The following ZNF638 variants were observed in gnomAD, a reference collection of about 807,000 sequenced individuals.
ZNF638 encodes zinc finger protein 638, also known as CTCL tumor antigen se33-1.
ZNF638 carries 46 observed loss-of-function variants against 195.6 expected under a neutral mutation model. That is an observed-to-expected ratio of 0.24 (90% CI 0.19 to 0.30). The LOEUF (loss-of-function observed/expected upper bound fraction) is 0.30, where lower values mean the gene tolerates loss of function less well. Ranked by LOEUF, ZNF638 falls within the 10% of genes least tolerant of loss-of-function variation. ZNF638 has a pLI of 1.00. For missense variants in ZNF638, 2,440 were observed against 2,325.3 expected (o/e 1.05, Z -1.01); for synonymous variants, 845 against 772.0 (o/e 1.09, Z -1.57).
intron 23 of ZNF638, among the ~76,000 whole-genome samples, chr2:71,425,617 A>G (rs2080523594): frequency 6.6e-6 from 1 of 152,132 alleles, no homozygotes. Flanking sequence ...ATTGAGTCTT[A>G]GTAATAATTT....
intron 15 of ZNF638, among the ~76,000 whole-genome samples, chr2:71,401,302 T>A (rs147615677): frequency 1.3e-5 from 2 of 151,656 alleles, no homozygotes; most frequent in African/African-American, 4.8e-5. Context: ...ATGAGAGAGT[T>A]ACCTTGAAGA....
intron 10 of ZNF638, among the ~76,000 whole-genome samples, chr2:71,383,744 C>CTTTTTT (rs911748490): frequency 2.2e-5 from 2 of 92,514 alleles, no homozygotes; most frequent in African/African-American, 4.5e-5. Flanking sequence ...GCTAATTTTT[C>CTTTTTT]TTTTTTTTTT....
At chr2:71,417,036 C>T (rs566455565) in intron 20 of ZNF638, among the ~76,000 whole-genome samples, 15 of 135,176 alleles carry the variant, frequency 1.1e-4, no homozygotes, top group African/African-American at 4.2e-4. Context: ...CTTTGTTTAC[C>T]TAAGCAAGCC....
At chr2:71,354,143 C>A (rs904272288) in intron 2 of ZNF638, among the ~76,000 whole-genome samples, 2 of 152,170 alleles carry the variant, frequency 1.3e-5, no homozygotes, top group Non-Finnish European at 2.9e-5. Context: ...GTGGAAACTT[C>A]TAATGACCTA....
chr2:71,379,539 A>G (rs756813552), intron 8 of ZNF638: 6 of 152,142 alleles, frequency 3.9e-5, no homozygotes, highest in Non-Finnish European at 7.4e-5. Flanking sequence ...TAATGGCCCT[A>G]AAGTGCAAGT....
intron 3 of ZNF638, among the ~76,000 whole-genome samples, chr2:71,358,813 A>G (rs1334945766): frequency 6.6e-6 from 1 of 152,106 alleles, no homozygotes; most frequent in African/African-American, 2.4e-5. Flanking sequence ...TTCTAACAGC[A>G]TGTGCTCACT....
chr2:71,332,021 G>A, intron 1 of ZNF638, 146 bp downstream of exon 1: 1 of 763,118 alleles, frequency 1.3e-6, no homozygotes, highest in Non-Finnish European at 1.6e-6. Flanking sequence ...GCAGACGGCG[G>A]GGGCGGGAGG....
At chr2:71,367,524 C>T (rs6736123) in intron 6 of ZNF638, among the ~76,000 whole-genome samples, 32 of 151,606 alleles carry the variant, frequency 2.1e-4, no homozygotes, top group Non-Finnish European at 3.5e-4. Flanking sequence ...CCTCCGCCTC[C>T]CAGGTTCAAG....
chr2:71,348,792 T>C lies in ZNF638; in HGVS notation c.-163T>C. The C allele has an allele frequency of 2.6e-6, 4 of 1,563,590 alleles. No individual in the cohort carries two copies. The highest frequency in any genetic ancestry group is 2.6e-6 in the Non-Finnish European group (3 of 1,159,266). On this transcript the variant is annotated 5_prime_UTR_variant, in exon 2 of 28. Coordinates refer to ENST00000264447, the MANE Select transcript of ZNF638 (RefSeq NM_014497.5). ...TGGAAAATTTCGCACCACTTGTGAA[T>C]TCCTTGAACCTGGGCATTGCAAACC...
chr2:71,391,907 A>G (rs1401525763), intron 10 of ZNF638, among the ~76,000 whole-genome samples: 2 of 152,126 alleles, frequency 1.3e-5, no homozygotes, highest in Non-Finnish European at 2.9e-5. Flanking sequence ...TATTCAGTTC[A>G]GTTGTTTGTT....
chr2:71,408,804 G>A (rs1001420427), intron 20 of ZNF638: 7 of 377,874 alleles, frequency 1.9e-5, no homozygotes, highest in Non-Finnish European at 3.7e-5. Flanking sequence ...CTTATATGTG[G>A]TGTCCTTGTG....
intron 11 of ZNF638, among the ~76,000 whole-genome samples, chr2:71,396,474 A>G (rs986722978): frequency 1.3e-5 from 2 of 152,136 alleles, no homozygotes; most frequent in African/African-American, 2.4e-5. Context: ...TTACTTTTAT[A>G]TAATAGTTCA....
chr2:71,354,692 G>A (rs758943982), intron 2 of ZNF638, among the ~76,000 whole-genome samples: 3 of 149,802 alleles, frequency 2.0e-5, no homozygotes, highest in South Asian at 2.1e-4. Flanking sequence ...ATCCGAGATC[G>A]CCTCATTGCA....
At chr2:71,353,024 T>C (rs145961442) in intron 2 of ZNF638, among the ~76,000 whole-genome samples, 2 of 152,294 alleles carry the variant, frequency 1.3e-5, no homozygotes, top group Non-Finnish European at 2.9e-5. Context: ...TTTGTGAAGA[T>C]GGATTTCGAT....
chr2:71,430,491 T>C (rs1274873889), intron 25 of ZNF638, among the ~76,000 whole-genome samples: 1 of 152,162 alleles, frequency 6.6e-6, no homozygotes, highest in Non-Finnish European at 1.5e-5. Context: ...GTAGCCCAGA[T>C]GTATGGAGGG....
chr2:71,406,367 A>C (rs1168442974), intron 19 of ZNF638, 105 bp downstream of exon 19: 3 of 986,722 alleles, frequency 3.0e-6, no homozygotes, highest in East Asian at 5.0e-5. Flanking sequence ...TGTAAATATT[A>C]CTCAACCACT....
At chr2:71,375,747 G>A (rs963108159) in intron 8 of ZNF638, 1 of 152,224 alleles carries the variant, frequency 6.6e-6, no homozygotes, top group African/African-American at 2.4e-5. Flanking sequence ...TTTGGAGAAT[G>A]AGTTAGGCAA....
chr2:71,337,284 T>C (rs1214768337), intron 1 of ZNF638, among the ~76,000 whole-genome samples: 1 of 152,210 alleles, frequency 6.6e-6, no homozygotes, highest in African/African-American at 2.4e-5. Context: ...TATGGTTTTT[T>C]CCCGAAAAGT....
chr2:71,363,086 G>T, intron 3 of ZNF638, 67 bp from the exon 4 acceptor site: 1 of 1,154,912 alleles, frequency 8.7e-7, no homozygotes, highest in Non-Finnish European at 1.3e-6. Flanking sequence ...TATATTACAG[G>T]TAAAGATTAA....
Sources: allele counts gnomAD v4.1 joint callset (sites outside exome capture counted in the v4.1 genomes callset), GRCh38; gene constraint gnomAD v4.1.1; transcripts MANE v1.5; gene names NCBI Gene and HGNC (gene_info 2026-07-23, HGNC 2026-07-21).